The following LRMDA variants were observed in gnomAD, a reference collection of about 807,000 sequenced individuals.
LRMDA encodes the protein leucine rich melanocyte differentiation associated.
In LRMDA, 18 loss-of-function variants were observed where a neutral mutation model predicts 29.8. The observed-to-expected ratio is 0.60, with a 90% CI of 0.42 to 0.90. The LOEUF (loss-of-function observed/expected upper bound fraction) is 0.90, where lower values mean the gene tolerates loss of function less well. LRMDA is among the 40% of genes least tolerant of loss of function. The pLI is 0.00. For missense variants in LRMDA, 273 were observed against 273.9 expected, an observed-to-expected ratio of 1.00 and a Z score of 0.02; for synonymous variants, 125 against 109.4, an observed-to-expected ratio of 1.14 and a Z score of -0.89.
At chr10:76,387,661 G>C (rs1044255474) in intron 6 of LRMDA, among the ~76,000 whole-genome samples, 7 of 151,394 alleles carry the variant, frequency 4.6e-5, no homozygotes, top group Non-Finnish European at 8.8e-5. Flanking sequence ...ACAAAAATAA[G>C]TCTTTTTAAA....
At chr10:75,867,227 A>C (rs931199030) in intron 2 of LRMDA, among the ~76,000 whole-genome samples, 4 of 152,188 alleles carry the variant, frequency 2.6e-5, no homozygotes, top group Non-Finnish European at 5.9e-5. Flanking sequence ...CAGTGGTGCA[A>C]TCTCAGCTCA....
chr10:76,187,095 C>T (rs1851163585), intron 5 of LRMDA, among the ~76,000 whole-genome samples: 1 of 152,136 alleles, frequency 6.6e-6, no homozygotes, highest in African/African-American at 2.4e-5. Context: ...CCCCTTCCCT[C>T]TTGCCTAGCC....
At chr10:75,880,919 C>T (rs1262161757) in intron 2 of LRMDA, among the ~76,000 whole-genome samples, 2 of 152,122 alleles carry the variant, frequency 1.3e-5, no homozygotes, top group African/African-American at 2.4e-5. Context: ...GGACAGGAAA[C>T]GCAGGAACAG....
At chr10:76,240,401 T>C (rs1476233162) in intron 5 of LRMDA, among the ~76,000 whole-genome samples, 4 of 148,490 alleles carry the variant, frequency 2.7e-5, no homozygotes, top group Admixed American at 6.8e-5. Context: ...ATAATAAATA[T>C]ATGTAATATA....
chr10:76,160,110 A>G (rs903290235), intron 5 of LRMDA, among the ~76,000 whole-genome samples: 1 of 151,914 alleles, frequency 6.6e-6, no homozygotes, highest in Admixed American at 6.6e-5. Flanking sequence ...GGGGGAGGCT[A>G]TGTATGTATC....
At chr10:75,613,928 A>T (rs1172833739) in intron 2 of LRMDA, among the ~76,000 whole-genome samples, 1 of 152,236 alleles carries the variant, frequency 6.6e-6, no homozygotes, top group Non-Finnish European at 1.5e-5. Flanking sequence ...AGGGAAATGC[A>T]GTAAAATTTA....
chr10:76,452,845 C>T (rs1347099070), intron 6 of LRMDA, among the ~76,000 whole-genome samples: 1 of 152,104 alleles, frequency 6.6e-6, no homozygotes, highest in Non-Finnish European at 1.5e-5. Flanking sequence ...ATCAAATAAC[C>T]ACTACATGTG....
At chr10:75,801,295 A>C (rs1843740199) in intron 2 of LRMDA, among the ~76,000 whole-genome samples, 1 of 152,138 alleles carries the variant, frequency 6.6e-6, no homozygotes, top group Non-Finnish European at 1.5e-5. Context: ...TCCCTTCACA[A>C]TCTCCAACCG....
At chr10:75,711,075 G>A (rs1274549473) in intron 2 of LRMDA, among the ~76,000 whole-genome samples, 1 of 152,206 alleles carries the variant, frequency 6.6e-6, no homozygotes, top group Non-Finnish European at 1.5e-5. Context: ...CCCAAAATAA[G>A]AATTTGGAAT....
chr10:76,202,986 T>A (rs1035561770), intron 5 of LRMDA, among the ~76,000 whole-genome samples: 1 of 152,172 alleles, frequency 6.6e-6, no homozygotes, highest in Non-Finnish European at 1.5e-5. Flanking sequence ...ATCTCTCTAT[T>A]TTCCTGCCAT....
At chr10:75,710,691 T>A (rs1261133211) in intron 2 of LRMDA, among the ~76,000 whole-genome samples, 1 of 152,236 alleles carries the variant, frequency 6.6e-6, no homozygotes, top group Non-Finnish European at 1.5e-5. Context: ...AAAAGTGAGC[T>A]GTGGCTGCAG....
At chr10:76,346,326 G>A (rs1351899726) in intron 6 of LRMDA, 21 of 152,304 alleles carry the variant, frequency 1.4e-4, no homozygotes, top group Non-Finnish European at 1.5e-5. Flanking sequence ...CAAAGAAGGT[G>A]ATAACTTTGG....
chr10:76,038,799 T>G (rs1358143653), intron 3 of LRMDA, among the ~76,000 whole-genome samples: 2 of 152,248 alleles, frequency 1.3e-5, no homozygotes, highest in Non-Finnish European at 2.9e-5. Context: ...TAGCTTTTGC[T>G]GCATAATAAT....
At chr10:76,055,215 A>G (rs149001323) in intron 4 of LRMDA, among the ~76,000 whole-genome samples, 69 of 152,156 alleles carry the variant, frequency 4.5e-4, no homozygotes, top group Admixed American at 2.1e-3. Flanking sequence ...TAGGAAAAGG[A>G]CAATAGACTG....
chr10:75,875,358 G>A (rs2132336641), intron 2 of LRMDA, among the ~76,000 whole-genome samples: 1 of 152,348 alleles, frequency 6.6e-6, no homozygotes, highest in Non-Finnish European at 1.5e-5. Flanking sequence ...GAGGAGTTTG[G>A]AGAAGGATGA....
At chr10:75,505,039 A>G (rs998648699) in intron 2 of LRMDA, among the ~76,000 whole-genome samples, 1 of 152,130 alleles carries the variant, frequency 6.6e-6, no homozygotes, top group Non-Finnish European at 1.5e-5. Context: ...GAACTAGGTG[A>G]GAGATAGGTT....
At chr10:76,228,650 G>A (rs368312117) in intron 5 of LRMDA, among the ~76,000 whole-genome samples, 3 of 152,238 alleles carry the variant, frequency 2.0e-5, no homozygotes, top group East Asian at 1.9e-4. Context: ...GGCGAGTCCA[G>A]GTGGAGCCAT....
chr10:75,895,871 G>T (rs560076124), intron 2 of LRMDA, among the ~76,000 whole-genome samples: 1 of 152,330 alleles, frequency 6.6e-6, no homozygotes, highest in African/African-American at 2.4e-5. Flanking sequence ...AGTTGTATGA[G>T]AAATGAGTAT....
intron 2 of LRMDA, among the ~76,000 whole-genome samples, chr10:75,938,074 C>G (rs1274377523): frequency 1.3e-5 from 2 of 152,194 alleles, no homozygotes; most frequent in Non-Finnish European, 2.9e-5. Flanking sequence ...GGTACTGCTA[C>G]AGCTAACTTG....
Sources: gnomAD v4.1 joint callset for allele counts (sites outside exome capture counted in the v4.1 genomes callset) on GRCh38, gnomAD v4.1.1 for gene constraint, MANE v1.5 for transcripts, NCBI Gene and HGNC (gene_info 2026-07-23, HGNC 2026-07-21) for gene names.